VPS13C: variants seen among roughly 807,000 people sequenced by gnomAD.
The protein encoded by VPS13C is intermembrane lipid transfer protein VPS13C.
VPS13C carries 358 observed loss-of-function variants against 456.8 expected under a neutral mutation model. The observed-to-expected ratio is 0.78, with a 90% CI of 0.72 to 0.86. VPS13C has a LOEUF of 0.86. Ranked by LOEUF, VPS13C falls within the 40% of genes least tolerant of loss-of-function variation. VPS13C has a pLI of 0.00. For synonymous variants in VPS13C, 1,578 were observed against 1,486.7 expected, an observed-to-expected ratio of 1.06 and a Z score of -1.41; for missense variants, 4,818 against 4,385.4, an observed-to-expected ratio of 1.10 and a Z score of -2.79.
intron 16 of VPS13C, among the ~76,000 whole-genome samples, chr15:61,999,893 C>T (rs904536032): frequency 2.0e-5 from 1 of 49,368 alleles, no homozygotes; most frequent in Non-Finnish European, 4.3e-5. Flanking sequence ...GAAGAGGAAA[C>T]AAAGAAAAAG....
intron 81 of VPS13C, chr15:61,866,656 T>C (rs1476157649): frequency 8.1e-6 from 8 of 985,042 alleles, no homozygotes; most frequent in Non-Finnish European, 8.4e-6. Flanking sequence ...ACAAGAAAGG[T>C]TTGTCAGCTA....
chr15:61,878,782 A>T (rs766720672), intron 73 of VPS13C, 36 bp from the exon 74 acceptor site: 1 of 1,568,468 alleles, frequency 6.4e-7, no homozygotes, highest in Non-Finnish European at 8.6e-7. Context: ...ATGAAAGCTA[A>T]AAGTGAAAAA....
rs914561217 is a variant in VPS13C, at chr15:61,900,159, C to G, written c.9105+7105G>C. Among the ~76,000 whole-genome samples, 27 of 152,216 alleles carry G rather than the reference C, an allele frequency of 1.8e-4. No individual in the cohort carries two copies. The South Asian group carries it at 2.1e-3, about 12-fold the overall frequency. The stretch of plus-strand genomic sequence containing the variant: ...TGACAAACCCACAGCCAATATCATA[C>G]TGAATGGGCAAAAACTGGAAGCATT... On this transcript the variant is annotated intron_variant, in intron 66 of 84. Transcript: ENST00000644861.
intron 38 of VPS13C, 34 bp downstream of exon 38, chr15:61,954,387 C>G (rs908792854): frequency 6.3e-7 from 1 of 1,592,588 alleles, no homozygotes; most frequent in Non-Finnish European, 8.5e-7. Flanking sequence ...TACTTATTCA[C>G]CTCACTTTAC....
Position 62,010,515 on chromosome 15 carries a change from T to G in VPS13C, c.968A>C (p.Asn323Thr). ...AATGGCAATATTTTGTATTTCTATG[T>G]TGCAATCCAGTTTGGGCGTTTTGAG... is the stretch of plus-strand genomic sequence containing the variant. ...SELKTPKLDC[N>T]IEIQNIAIEL... The change falls in exon 13 of 85, where the codon AAC (asparagine) becomes ACC (threonine). Residue 323 changes from asparagine to threonine, a missense_variant. By Grantham distance (65) the Asn-to-Thr change is moderately conservative. Around this residue, in one of 3 missense-constraint regions of VPS13C, gnomAD observed 4,552 missense variants for 4,130.6 expected, o/e 1.10. Transcript: ENST00000644861. 6.2e-7 allele frequency: 1 copy of G among 1,613,492 alleles called. No homozygotes were observed. The highest frequency in any genetic ancestry group is 8.5e-7 in the Non-Finnish European group (1 of 1,179,744).
At chr15:61,921,910 T>G (rs760083747) in intron 55 of VPS13C, 37 bp downstream of exon 55, 160 of 1,568,036 alleles carry the variant, frequency 1.0e-4, no homozygotes, top group Non-Finnish European at 1.3e-4. Context: ...ATATGCATAG[T>G]ATCATTCTAT....
At chr15:62,004,086 G>C (rs1232280888) in intron 15 of VPS13C, among the ~76,000 whole-genome samples, 1 of 151,930 alleles carries the variant, frequency 6.6e-6, no homozygotes, top group Non-Finnish European at 1.5e-5. Context: ...AATAGTTTCA[G>C]AAGGAATGGT....
chr15:62,018,336 G>A (rs1191544364), intron 9 of VPS13C, among the ~76,000 whole-genome samples: 3 of 151,880 alleles, frequency 2.0e-5, no homozygotes, highest in African/African-American at 7.3e-5. Flanking sequence ...GAATAGGAGT[G>A]GTGAGAGAGG....
rs373155944 is a variant in VPS13C, at chr15:61,931,264, G to C, written c.5869-5C>G. On this transcript the variant is annotated splice_polypyrimidine_tract_variant and splice_region_variant and intron_variant, in intron 49 of 84. Coordinates refer to ENST00000644861, the MANE Select transcript of VPS13C (RefSeq NM_020821.3). ...ATGAAATGCAACTCCAGATTCCTAT[G>C]GTACATTTTTCAAGCAAAAGAATCA... 6.2e-7 allele frequency: 1 copy of C among 1,603,424 alleles called. No homozygotes were observed. Among genetic ancestry groups the C allele is most frequent in the Admixed American group, 1.7e-5 (1 of 58,154 alleles).
At chr15:62,003,673 T>G (rs1207989670) in intron 15 of VPS13C, among the ~76,000 whole-genome samples, 5 of 151,862 alleles carry the variant, frequency 3.3e-5, no homozygotes, top group African/African-American at 1.2e-4. Context: ...AAATAGCTCT[T>G]ATTATTTTGA....
chr15:61,867,835 A>C lies in VPS13C; in HGVS notation c.10863+824T>G. 6.5e-7 allele frequency: 1 copy of C among 1,547,304 alleles called. No individual in the cohort carries two copies. The highest frequency in any genetic ancestry group is 1.7e-4 in the Middle Eastern group (1 of 5,934). The stretch of plus-strand genomic sequence containing the variant: ...AGAGTTTTAAAGAAAATTTCATTAA[A>C]ATTGACAATGGAATTCACACACAGT... On this transcript the variant is annotated intron_variant, in intron 81 of 84. Coordinates refer to ENST00000644861, the MANE Select transcript of VPS13C (RefSeq NM_020821.3). The surrounding 1 kb of genome is among the most constrained non-coding windows in gnomAD (Gnocchi z 5.0).
chr15:61,995,448 T>C (rs2046351070), intron 16 of VPS13C, among the ~76,000 whole-genome samples: 1 of 152,146 alleles, frequency 6.6e-6, no homozygotes, highest in South Asian at 2.1e-4. Context: ...TTGCAACTAG[T>C]TTCTAAACAA....
chr15:62,029,889 C>T (rs1417094925), intron 5 of VPS13C, among the ~76,000 whole-genome samples: 1 of 152,026 alleles, frequency 6.6e-6, no homozygotes. Flanking sequence ...AAATTATATC[C>T]GGTGCATCCA....
Position 61,964,704 on chromosome 15 carries a change from G to A in VPS13C, c.3209C>T (p.Pro1070Leu), listed in dbSNP as rs757271765. The A allele has an allele frequency of 1.9e-6, 3 of 1,599,432 alleles. No homozygotes were observed. Among genetic ancestry groups the A allele is most frequent in the Non-Finnish European group, 2.6e-6 (3 of 1,175,528 alleles). ...CAAAAATGTATGTTTCATACCTTTT[G>A]GCAGAGTTGAATTTTTTTGTTGTTT... ...TEKQQKNSTL[P>L]KAIVSSRDSD... The change falls in exon 31 of 85, where the codon CCA (proline) becomes CTA (leucine). Residue 1070 changes from proline (P) to leucine (L), a missense_variant. Physicochemically the swap from Pro to Leu is moderately conservative, Grantham distance 98. Transcript: ENST00000644861.
Position 61,917,401 on chromosome 15 carries a change from A to T in VPS13C, c.7995T>A (p.His2665Gln). ...GEDWDVAYII[H>Q]LYPSLTLRNL... ...TCCGCAAAGTGAGAGAAGGATAAAGATGAATAATGTAAGCTACATCCCAGT... is the reference window on the plus strand; with the variant it reads ...TCCGCAAAGTGAGAGAAGGATAAAGTTGAATAATGTAAGCTACATCCCAGT... The change falls in exon 60 of 85, where the codon CAT (histidine) becomes CAA (glutamine). Residue 2665 changes from histidine (H) to glutamine (Q), a missense_variant. His to Gln is a conservative substitution (Grantham distance 24). Coordinates refer to ENST00000644861, the MANE Select transcript of VPS13C (RefSeq NM_020821.3). 1.2e-6 allele frequency: 2 copies of T among 1,614,022 alleles called. No individual in the cohort carries two copies. Among genetic ancestry groups the T allele is most frequent in the Non-Finnish European group, 1.7e-6 (2 of 1,179,902 alleles).
intron 81 of VPS13C, chr15:61,866,940 G>A: frequency 1.0e-6 from 1 of 984,386 alleles, no homozygotes; most frequent in East Asian, 1.1e-4. Context: ...AAGCATGAAA[G>A]TTGCTAGATA....
Position 61,977,170 on chromosome 15 carries a change from G to T in VPS13C, c.2320C>A (p.His774Asn). 1 of 1,565,196 alleles carries T rather than the reference G, an allele frequency of 6.4e-7. No homozygotes were observed. Among genetic ancestry groups the T allele is most frequent in the Non-Finnish European group, 8.6e-7 (1 of 1,159,412 alleles). ...EETWKKCRFQ[H>N]PSTMHILQPM... is the part of the protein sequence containing the mutation. ...TGCAATATATGCATAGTTGATGGAT[G>T]CTGAAATCGACACTTTTTCCAGGTT... Residue 774 changes from histidine to asparagine, a missense_variant, in exon 24 of 85, where the codon CAT becomes AAT. Around this residue, in one of 3 missense-constraint regions of VPS13C, gnomAD observed 4,552 missense variants for 4,130.6 expected, o/e 1.10. Transcript: ENST00000644861.
chr15:61,942,460 T>C (rs2044462440), intron 45 of VPS13C, among the ~76,000 whole-genome samples: 1 of 151,790 alleles, frequency 6.6e-6, no homozygotes, highest in Non-Finnish European at 1.5e-5. Context: ...TTCTCCAAAA[T>C]TGGGTTCAAT....
At chr15:62,005,146 G>T (rs968231152) in intron 15 of VPS13C, among the ~76,000 whole-genome samples, 4 of 152,278 alleles carry the variant, frequency 2.6e-5, no homozygotes, top group Middle Eastern at 3.4e-3. Flanking sequence ...TCATTAATGT[G>T]TGGGACTCTA....
Sources: gnomAD v4.1 joint callset for allele counts (sites outside exome capture counted in the v4.1 genomes callset) on GRCh38, gnomAD v4.1.1 for gene constraint, gnomAD v4.1.1 regional missense constraint, Gnocchi (gnomAD v3.1) non-coding constraint, MANE v1.5 for transcripts, NCBI Gene and HGNC (gene_info 2026-07-23, HGNC 2026-07-21) for gene names.